The following EFCAB5 variants were observed in gnomAD, a reference collection of about 807,000 sequenced individuals.
EFCAB5 encodes the protein EF-hand calcium binding domain 5.
In EFCAB5, 131 loss-of-function variants were observed where a neutral mutation model predicts 167.9. The ratio of observed to expected loss-of-function variants is 0.78; its 90% CI spans 0.68 to 0.90. The LOEUF is 0.90. Ranked by LOEUF, EFCAB5 falls within the 40% of genes least tolerant of loss-of-function variation. The pLI, the probability that EFCAB5 is intolerant of heterozygous loss-of-function variation, is 0.00. For synonymous variants in EFCAB5, 574 were observed against 602.8 expected, an observed-to-expected ratio of 0.95 and a Z score of 0.70; for missense variants, 1,663 against 1,745.2, an observed-to-expected ratio of 0.95 and a Z score of 0.84.
Position 29,979,520 on chromosome 17 carries a change from A to G in EFCAB5, c.767+10153A>G, listed in dbSNP as rs186694474. 7.9e-5 allele frequency among the ~76,000 whole-genome samples: 12 copies of G among 152,232 alleles called. No homozygotes were observed. The East Asian group carries it at 1.7e-3, about 22-fold the overall frequency. On this transcript the variant is annotated intron_variant, in intron 4 of 22. Transcript: ENST00000394835. ...CTACCATACATATTAACTAATCAAA[A>G]CCACCAGCCAAGTGTCCTCTTTGGG...
intron 14 of EFCAB5, chr17:30,069,645 G>A (rs1389751136): frequency 2.5e-6 from 4 of 1,592,194 alleles, no homozygotes; most frequent in African/African-American, 1.3e-5. Flanking sequence ...CCTGGGCCAC[G>A]GGGGCCCAGC....
At chr17:30,105,923 G>A (rs557741265) in intron 22 of EFCAB5, among the ~76,000 whole-genome samples, 2 of 152,108 alleles carry the variant, frequency 1.3e-5, no homozygotes, top group East Asian at 1.9e-4. Flanking sequence ...CACATTTTAC[G>A]TGCCATTCCT....
intron 7 of EFCAB5, among the ~76,000 whole-genome samples, chr17:30,008,765 T>A (rs549101131): frequency 5.4e-4 from 83 of 152,336 alleles, no homozygotes; most frequent in Admixed American, 1.6e-3. Flanking sequence ...GCAGCTTTAT[T>A]CAGATATAAT....
intron 17 of EFCAB5, among the ~76,000 whole-genome samples, chr17:30,082,647 C>T (rs1380526386): frequency 6.6e-6 from 1 of 152,072 alleles, no homozygotes; most frequent in Non-Finnish European, 1.5e-5. Flanking sequence ...CTGCCTTGGC[C>T]TCCCAAAGTG....
chr17:30,044,876 T>C (rs1021128626), intron 8 of EFCAB5, among the ~76,000 whole-genome samples: 3 of 152,206 alleles, frequency 2.0e-5, no homozygotes, highest in Non-Finnish European at 4.4e-5. Context: ...GCCTCATTCA[T>C]AATAGCTTTA....
At chr17:29,963,913 T>A (rs2151565379) in intron 3 of EFCAB5, among the ~76,000 whole-genome samples, 1 of 152,196 alleles carries the variant, frequency 6.6e-6, no homozygotes, top group African/African-American at 2.4e-5. Flanking sequence ...GAGATCTGGT[T>A]GTTTAAAAGA....
chr17:29,949,732 G>A (rs886299467), intron 3 of EFCAB5, among the ~76,000 whole-genome samples: 5 of 152,194 alleles, frequency 3.3e-5, no homozygotes, highest in Non-Finnish European at 7.3e-5. Flanking sequence ...TGCTGTTGCT[G>A]TGCTTCTTTT....
rs191813700 is a variant in EFCAB5, at chr17:30,067,096, T to G, written c.2737+7395T>G. Among the ~76,000 whole-genome samples, 12 of 152,358 alleles carry G rather than the reference T, an allele frequency of 7.9e-5. No homozygotes were observed. The East Asian group carries it at 2.1e-3, about 27-fold the overall frequency. ...TACCAAATATTTAAAGATTATCTGATATCAGTTCTTCTCAAACTCTTTTAG... is the reference window on the plus strand; with the variant it reads ...TACCAAATATTTAAAGATTATCTGAGATCAGTTCTTCTCAAACTCTTTTAG... On this transcript the variant is annotated intron_variant, in intron 14 of 22. Coordinates refer to ENST00000394835, the MANE Select transcript of EFCAB5 (RefSeq NM_198529.4).
intron 7 of EFCAB5, among the ~76,000 whole-genome samples, chr17:30,019,120 G>A (rs1433199717): frequency 6.6e-6 from 1 of 152,168 alleles, no homozygotes; most frequent in East Asian, 1.9e-4. Flanking sequence ...AGGAAGAGAA[G>A]AGGAAAGTGC....
intron 7 of EFCAB5, among the ~76,000 whole-genome samples, chr17:30,020,602 G>T (rs888621840): frequency 1.3e-5 from 2 of 151,934 alleles, no homozygotes; most frequent in African/African-American, 4.8e-5. Context: ...TGACCCACCC[G>T]CCTCGGCCTC....
chr17:30,099,856 C>T (rs536722174), intron 22 of EFCAB5, among the ~76,000 whole-genome samples: 9 of 152,122 alleles, frequency 5.9e-5, no homozygotes, highest in Admixed American at 3.9e-4. Context: ...CCACAGAGCG[C>T]GTTCCCTCAC....
chr17:30,077,748 A>T (rs2070897038), intron 14 of EFCAB5, among the ~76,000 whole-genome samples: 1 of 152,236 alleles, frequency 6.6e-6, no homozygotes, highest in Non-Finnish European at 1.5e-5. Context: ...GAACCAGGGA[A>T]TTGCATAATG....
At chr17:30,099,598 C>T (rs59773902) in intron 22 of EFCAB5, among the ~76,000 whole-genome samples, 8,770 of 152,228 alleles carry the variant, frequency 0.058, 822 homozygotes, top group African/African-American at 0.2. Context: ...TTTCATCCAT[C>T]GATCTGGATA....
intron 8 of EFCAB5, among the ~76,000 whole-genome samples, chr17:30,050,753 T>G (rs1245517221): frequency 6.6e-6 from 1 of 152,244 alleles, no homozygotes. Context: ...AAAAAAATTT[T>G]TTAAAAATAA....
At chr17:29,949,239 T>TA (rs1366403460) in intron 3 of EFCAB5, among the ~76,000 whole-genome samples, 1 of 152,212 alleles carries the variant, frequency 6.6e-6, no homozygotes, top group African/African-American at 2.4e-5. Context: ...CTGAAAATGA[T>TA]AAAAGTCATT....
intron 3 of EFCAB5, among the ~76,000 whole-genome samples, chr17:29,959,128 A>G (rs2067672890): frequency 1.3e-5 from 2 of 152,132 alleles, no homozygotes; most frequent in Non-Finnish European, 2.9e-5. Context: ...AGTCTCACCC[A>G]AGGCCTTTGG....
chr17:30,036,353 TA>T (rs1444545204), intron 8 of EFCAB5, among the ~76,000 whole-genome samples: 4 of 121,526 alleles, frequency 3.3e-5, no homozygotes, highest in African/African-American at 1.1e-4. Flanking sequence ...AATACACATA[TA>T]TAATATATAA....
rs115887768 is a variant in EFCAB5 at position 30,074,902 on chromosome 17, C to T, written c.2738-3313C>T. On this transcript the variant is annotated intron_variant, in intron 14 of 22. Coordinates refer to ENST00000394835, the MANE Select transcript of EFCAB5 (RefSeq NM_198529.4). ...ACATGTGCTCATTACTCATGAGTCTCCTCTCTCAGATTTCTCAGTGGACAG... is the reference window on the plus strand; with the variant it reads ...ACATGTGCTCATTACTCATGAGTCTTCTCTCTCAGATTTCTCAGTGGACAG... 9.2e-3 allele frequency among the ~76,000 whole-genome samples: 1,396 copies of T among 152,168 alleles called. 25 individuals are homozygous for T. Among genetic ancestry groups the T allele is most frequent in the African/African-American group, 0.032 (1,320 of 41,488 alleles).
Position 30,053,580 on chromosome 17 carries a change from A to G in EFCAB5, c.1626A>G (p.Ser542=), listed in dbSNP as rs755061031. ...PTAEQELYIE[S]VIEPGTHTES... ...CAGAGCAAGAACTGTACATAGAATC[A>G]GTAATAGAACCAGGAACACACACAG... The change falls in exon 10 of 23, where the codon TCA becomes TCG. Residue 542 remains serine (S), a synonymous_variant. Transcript: ENST00000394835. The G allele has an allele frequency of 1.2e-6, 2 of 1,614,014 alleles. No individual in the cohort carries two copies. The highest frequency in any genetic ancestry group is 3.3e-5 in the Admixed American group (2 of 60,018).
Sources: gnomAD v4.1 joint callset for allele counts (sites outside exome capture counted in the v4.1 genomes callset) on GRCh38, gnomAD v4.1.1 for gene constraint, MANE v1.5 for transcripts, NCBI Gene and HGNC (gene_info 2026-07-23, HGNC 2026-07-21) for gene names.